Variants in A4GALT observed in about 807,000 individuals in gnomAD.
The protein encoded by A4GALT is lactosylceramide 4-alpha-galactosyltransferase.
For synonymous variants in A4GALT, 257 were observed against 220.7 expected, an observed-to-expected ratio of 1.16 and a Z score of -1.46; for missense variants, 512 against 486.0, an observed-to-expected ratio of 1.05 and a Z score of -0.50.
intron 1 of A4GALT, among the ~76,000 whole-genome samples, chr22:42,697,157 A>G (rs946953957): frequency 6.6e-6 from 1 of 152,192 alleles, no homozygotes; most frequent in Non-Finnish European, 1.5e-5. Flanking sequence ...ATAGGCAGTG[A>G]TTCCATGAGT....
At chr22:42,697,282 G>A (rs1274541549) in intron 1 of A4GALT, among the ~76,000 whole-genome samples, 1 of 96,728 alleles carries the variant, frequency 1.0e-5, no homozygotes, top group African/African-American at 4.1e-5. Context: ...AAGTGGGCCA[G>A]TGCGAAAGGT....
At chr22:42,715,519 C>A (rs567546622) in intron 1 of A4GALT, among the ~76,000 whole-genome samples, 85 of 151,794 alleles carry the variant, frequency 5.6e-4, no homozygotes, top group Non-Finnish European at 9.6e-4. Flanking sequence ...CCCAGGAGCT[C>A]CAGACCAGCC....
intron 1 of A4GALT, among the ~76,000 whole-genome samples, chr22:42,714,274 C>CAA (rs1163088658): frequency 0.057 from 915 of 16,134 alleles, 320 homozygotes; most frequent in Non-Finnish European, 0.083. Flanking sequence ...GACTCTGTCT[C>CAA]AAAAAAAAAA....
chr22:42,704,079 G>A (rs1374312226), intron 1 of A4GALT, among the ~76,000 whole-genome samples: 2 of 152,158 alleles, frequency 1.3e-5, no homozygotes, highest in African/African-American at 4.8e-5. Context: ...AGGACCAAGT[G>A]TCCTGTTCCC....
Position 42,692,840 on chromosome 22 carries a change from G to A in A4GALT, c.*50C>T, listed in dbSNP as rs771427495. The A allele has an allele frequency of 2.4e-5, 39 of 1,592,058 alleles. No homozygotes were observed. Among genetic ancestry groups the A allele is most frequent in the Admixed American group, 1.8e-4 (11 of 59,934 alleles). The stretch of plus-strand genomic sequence containing the variant: ...TCAATCTTGCCTCCCCGGGAAGGGC[G>A]GCCCAGTGCCCCATCAGGAGCAGGT... On this transcript the variant is annotated 3_prime_UTR_variant, in exon 3 of 3. Coordinates refer to ENST00000642412, the MANE Select transcript of A4GALT (RefSeq NM_017436.7). This position sits in a 1 kb window ranked among gnomAD's most constrained non-coding sequence, Gnocchi z 4.6.
At position 42,693,692 on chromosome 22, in the gene A4GALT, C is replaced by A. The variant is rs141165532; in HGVS notation, c.260G>T (p.Arg87Leu). The A allele has an allele frequency of 5.2e-6, 7 of 1,334,448 alleles. No homozygotes were observed. The highest frequency in any genetic ancestry group is 6.9e-6 in the Non-Finnish European group (7 of 1,015,584). The allele number at this position is 1,334,448 out of a possible 1,614,324, so 82.7% of individuals were successfully genotyped here. A position where few individuals can be genotyped will look rare whatever the true frequency, so the allele number is the denominator to read the frequency against. The change falls in exon 3 of 3, where the codon CGG becomes CTG. Residue 87 changes from arginine (R) to leucine (L), a missense_variant. Coordinates refer to ENST00000642412, the MANE Select transcript of A4GALT (RefSeq NM_017436.7). ...CATGAACAGGAAGTTGGGGTTGGTC[C>A]GGTCTGAAGTCTCCAGGAAGAAGAT... ...GNIFFLETSD[R>L]TNPNFLFMCS...
intron 1 of A4GALT, among the ~76,000 whole-genome samples, chr22:42,704,882 G>T (rs913335611): frequency 1.5e-5 from 2 of 129,832 alleles, no homozygotes; most frequent in East Asian, 2.6e-4. Flanking sequence ...GGGGGGGCGG[G>T]GGGGGGCGGC....
Position 42,693,646 on chromosome 22 carries a change from G to A in A4GALT, c.306C>T (p.Ala102=). ...FLFMCSVESA[A]RTHPESHVLV... ...GCACGTGGGATTCGGGGTGAGTTCT[G>A]GCGGCCGACTCCACCGAGCACATGA... Residue 102 remains alanine, a synonymous_variant, in exon 3 of 3, where the codon GCC becomes GCT. Transcript: ENST00000642412. 6.2e-7 allele frequency: 1 copy of A among 1,613,436 alleles called. No individual in the cohort carries two copies.
chr22:42,717,252 G>A (rs1334969149), intron 1 of A4GALT, among the ~76,000 whole-genome samples: 1 of 152,182 alleles, frequency 6.6e-6, no homozygotes, highest in South Asian at 2.1e-4. Context: ...CAGAGCCTCG[G>A]AGAGAAGAGC....
chr22:42,705,326 C>T (rs1042372795), intron 1 of A4GALT, among the ~76,000 whole-genome samples: 2 of 152,152 alleles, frequency 1.3e-5, no homozygotes, highest in African/African-American at 4.8e-5. Context: ...CACAGCCGGG[C>T]GCAATGGCTC....
intron 1 of A4GALT, among the ~76,000 whole-genome samples, chr22:42,719,750 G>A (rs115096187): frequency 0.012 from 1,858 of 152,266 alleles, 37 homozygotes; most frequent in African/African-American, 0.039. Flanking sequence ...TCTTTGGGCA[G>A]CTGGTGGCGG....
chr22:42,694,333 G>A (rs1843964775), intron 2 of A4GALT, among the ~76,000 whole-genome samples: 1 of 152,256 alleles, frequency 6.6e-6, no homozygotes, highest in African/African-American at 2.4e-5. Context: ...CAGAAGTGAT[G>A]GCTTCGCCAT....
chr22:42,706,354 C>CTCAAA (rs1921128098), intron 1 of A4GALT, among the ~76,000 whole-genome samples: 2 of 83,820 alleles, frequency 2.4e-5, no homozygotes, highest in African/African-American at 9.9e-5. Context: ...GACTCCATCC[C>CTCAAA]AAAAAAAAAA....
intron 1 of A4GALT, among the ~76,000 whole-genome samples, chr22:42,713,868 G>A (rs1450953134): frequency 1.3e-5 from 2 of 151,646 alleles, no homozygotes; most frequent in Non-Finnish European, 2.9e-5. Context: ...GGTGCTGACT[G>A]GGCGAGGTGG....
At chr22:42,708,123 CCT>C (rs1921320610) in intron 1 of A4GALT, among the ~76,000 whole-genome samples, 2 of 151,446 alleles carry the variant, frequency 1.3e-5, no homozygotes. Context: ...TGTGGTGGCA[CCT>C]ACCTGTAATC....
Position 42,693,461 on chromosome 22 carries a change from C to G in A4GALT, c.491G>C (p.Gly164Ala), listed in dbSNP as rs1488258434. The G allele has an allele frequency of 6.2e-7, 1 of 1,613,148 alleles. No individual in the cohort carries two copies. The highest frequency in any genetic ancestry group is 1.1e-5 in the South Asian group (1 of 91,068). ...PLADWYAAVQGRWEPYLLPVL... is the reference protein window; with the variant it reads ...PLADWYAAVQARWEPYLLPVL... ...GGGCAGCAGGTAGGGCTCCCAGCGC[C>G]CCTGCACGGCCGCGTACCAGTCGGC... is the stretch of plus-strand genomic sequence containing the variant. The change falls in exon 3 of 3, where the codon GGG becomes GCG. Residue 164 changes from glycine to alanine, a missense_variant. Gly to Ala is a moderately conservative substitution (Grantham distance 60). Transcript: ENST00000642412.
chr22:42,698,690 T>A (rs1197085460), intron 1 of A4GALT, among the ~76,000 whole-genome samples: 2 of 152,038 alleles, frequency 1.3e-5, no homozygotes, highest in Admixed American at 6.6e-5. Flanking sequence ...CAACACCATC[T>A]TAAATAGGAG....
At position 42,692,999 on chromosome 22, in the gene A4GALT, T is replaced by C; in HGVS notation, c.953A>G (p.Asn318Ser). The C allele has an allele frequency of 1.2e-6, 2 of 1,613,646 alleles. No individual in the cohort carries two copies. The highest frequency in any genetic ancestry group is 4.5e-5 in the East Asian group (2 of 44,874). Residue 318 changes from asparagine (N) to serine (S), a missense_variant, in exon 3 of 3, where the codon AAC (asparagine) becomes AGC (serine). Transcript: ENST00000642412. The surrounding 1 kb of genome is among the most constrained non-coding windows in gnomAD (Gnocchi z 4.6). ...LSATYAVHVW[N>S]KKSQGTRFEA... ...GAACCGCGTGCCCTGGCTCTTCTTG[T>C]TCCACACGTGGACAGCATAGGTGGC...
At chr22:42,705,973 G>C (rs1921041876) in intron 1 of A4GALT, among the ~76,000 whole-genome samples, 1 of 113,876 alleles carries the variant, frequency 8.8e-6, no homozygotes, top group African/African-American at 2.8e-5. Flanking sequence ...AGAATCGCTT[G>C]AACCTGGGAA....
Sources: gnomAD v4.1 joint callset for allele counts (sites outside exome capture counted in the v4.1 genomes callset) on GRCh38, gnomAD v4.1.1 for gene constraint, Gnocchi (gnomAD v3.1) non-coding constraint, MANE v1.5 for transcripts, NCBI Gene and HGNC (gene_info 2026-07-23, HGNC 2026-07-21) for gene names.